The following EPB41L2 variants were observed in gnomAD, a reference collection of about 807,000 sequenced individuals.
EPB41L2 encodes the protein erythrocyte membrane protein band 4.1 like 2.
EPB41L2 carries 43 observed loss-of-function variants against 113.0 expected under a neutral mutation model. The ratio of observed to expected loss-of-function variants is 0.38; its 90% CI spans 0.30 to 0.49. The LOEUF (loss-of-function observed/expected upper bound fraction) is 0.49, where lower values mean the gene tolerates loss of function less well. EPB41L2 is among the 20% of genes least tolerant of loss of function. EPB41L2 has a pLI of 0.95. For synonymous variants in EPB41L2, 442 were observed against 436.7 expected, an observed-to-expected ratio of 1.01 and a Z score of -0.15; for missense variants, 1,147 against 1,223.4, an observed-to-expected ratio of 0.94 and a Z score of 0.93.
At chr6:130,960,891 G>C (rs902185560) in intron 1 of EPB41L2, among the ~76,000 whole-genome samples, 18 of 152,228 alleles carry the variant, frequency 1.2e-4, no homozygotes, top group Middle Eastern at 3.4e-3. Flanking sequence ...AACTCCATGA[G>C]GGCTGGGATC....
At chr6:130,845,570 A>C (rs546098191) in intron 19 of EPB41L2, among the ~76,000 whole-genome samples, 5 of 151,984 alleles carry the variant, frequency 3.3e-5, no homozygotes, top group Admixed American at 6.6e-5. Flanking sequence ...TTGTGGACAC[A>C]AGCTCTTGCT....
chr6:130,870,361 T>C, intron 14 of EPB41L2: 1 of 1,550,630 alleles, frequency 6.4e-7, no homozygotes, highest in Non-Finnish European at 8.7e-7. Flanking sequence ...TGCAAGGCCC[T>C]TCTGACTCGG....
intron 1 of EPB41L2, among the ~76,000 whole-genome samples, chr6:131,046,689 T>C (rs764702292): frequency 6.6e-6 from 1 of 152,154 alleles, no homozygotes; most frequent in African/African-American, 2.4e-5. Flanking sequence ...GACTCAACAT[T>C]CCATTTCTTT....
At chr6:130,864,261 G>A (rs1433454274) in intron 17 of EPB41L2, among the ~76,000 whole-genome samples, 1 of 152,180 alleles carries the variant, frequency 6.6e-6, no homozygotes, top group African/African-American at 2.4e-5. Flanking sequence ...TTGACTGATG[G>A]ATTCTGAGCA....
chr6:130,914,036 G>A (rs1189824210), intron 4 of EPB41L2, among the ~76,000 whole-genome samples: 3 of 152,136 alleles, frequency 2.0e-5, no homozygotes, highest in East Asian at 3.9e-4. Context: ...TATATAAACC[G>A]TGGAATCAGA....
intron 1 of EPB41L2, among the ~76,000 whole-genome samples, chr6:131,039,047 C>G (rs1469372452): frequency 6.6e-6 from 1 of 152,064 alleles, no homozygotes; most frequent in Admixed American, 6.5e-5. Flanking sequence ...TATGTTATTC[C>G]ATTAGAAAAC....
At chr6:131,052,987 C>T (rs1479710555) in intron 1 of EPB41L2, among the ~76,000 whole-genome samples, 1 of 152,058 alleles carries the variant, frequency 6.6e-6, no homozygotes, top group Admixed American at 6.5e-5. Flanking sequence ...CTTCCACCTC[C>T]TGGGTTCAAG....
intron 1 of EPB41L2, among the ~76,000 whole-genome samples, chr6:130,966,182 C>T (rs1271764753): frequency 2.0e-5 from 3 of 152,124 alleles, no homozygotes; most frequent in Non-Finnish European, 2.9e-5. Flanking sequence ...TATATCTGTG[C>T]ATATGTAAAA....
chr6:130,996,741 A>C (rs1221834120), intron 1 of EPB41L2, among the ~76,000 whole-genome samples: 1 of 152,240 alleles, frequency 6.6e-6, no homozygotes, highest in Non-Finnish European at 1.5e-5. Context: ...ACCTATGTGA[A>C]CATATTCACA....
chr6:130,865,254 A>G (rs1286294082), intron 17 of EPB41L2, among the ~76,000 whole-genome samples: 1 of 152,252 alleles, frequency 6.6e-6, no homozygotes, highest in Non-Finnish European at 1.5e-5. Context: ...TTGTTTTTAT[A>G]AATTATAAAT....
At chr6:130,849,569 C>T (rs1233237910) in intron 19 of EPB41L2, among the ~76,000 whole-genome samples, 2 of 152,070 alleles carry the variant, frequency 1.3e-5, no homozygotes, top group East Asian at 3.9e-4. Flanking sequence ...TTAAGTAAAC[C>T]ATCATGCGTC....
At chr6:130,906,639 T>C (rs1176372745) in intron 5 of EPB41L2, among the ~76,000 whole-genome samples, 2 of 152,206 alleles carry the variant, frequency 1.3e-5, no homozygotes, top group Non-Finnish European at 2.9e-5. Context: ...ATAAAGGTTT[T>C]AAGGCAAATT....
intron 19 of EPB41L2, among the ~76,000 whole-genome samples, chr6:130,842,137 T>C (rs932976042): frequency 1.3e-5 from 2 of 152,292 alleles, no homozygotes; most frequent in Non-Finnish European, 2.9e-5. Context: ...CTTGCTTTAA[T>C]GAAAAAAGTT....
rs60350565 is a variant in EPB41L2, at chr6:130,892,403, CTTTTTTT to C, written c.1487+1934_1488-1938del. Among the ~76,000 whole-genome samples, 20 of 92,628 alleles carry C rather than the reference CTTTTTTT, an allele frequency of 2.2e-4. 1 individual carries two copies. The highest frequency in any genetic ancestry group is 2.3e-4 in the East Asian group (1 of 4,302). 60.8% of individuals were successfully genotyped at this position (92,628 alleles called of 152,430 possible). On this transcript the variant is annotated intron_variant, in intron 10 of 19. Transcript: ENST00000337057. ...CTTGCCATTTCTGAACAGATTATTG[CTTTTTTT>C]TTTTTTTTTTTTATCATTATGTGAC...
At chr6:130,948,829 G>C (rs1376964777) in intron 3 of EPB41L2, among the ~76,000 whole-genome samples, 1 of 152,124 alleles carries the variant, frequency 6.6e-6, no homozygotes, top group African/African-American at 2.4e-5. Flanking sequence ...GGCTATCCAC[G>C]AATATATAAT....
At chr6:130,876,796 C>T in intron 14 of EPB41L2, 12 of 1,265,496 alleles carry the variant, frequency 9.5e-6, no homozygotes, top group Non-Finnish European at 1.3e-5. Flanking sequence ...AAACAATAGA[C>T]ATAATCAACA....
chr6:130,917,588 C>T (rs536631391), intron 4 of EPB41L2, among the ~76,000 whole-genome samples: 2 of 152,252 alleles, frequency 1.3e-5, no homozygotes, highest in South Asian at 4.1e-4. Context: ...TAACCCCCAC[C>T]CTGCTCCTTG....
intron 19 of EPB41L2, among the ~76,000 whole-genome samples, chr6:130,849,723 T>C (rs1219442321): frequency 6.6e-6 from 1 of 152,222 alleles, no homozygotes; most frequent in East Asian, 1.9e-4. Flanking sequence ...GTATTCCAAC[T>C]TCACTAGCAT....
intron 1 of EPB41L2, among the ~76,000 whole-genome samples, chr6:130,971,576 C>T (rs1474323218): frequency 1.3e-5 from 2 of 152,216 alleles, no homozygotes; most frequent in African/African-American, 4.8e-5. Context: ...CAACATGGAG[C>T]CACTGGGCAA....
Sources: gnomAD v4.1 joint callset for allele counts (sites outside exome capture counted in the v4.1 genomes callset) on GRCh38, gnomAD v4.1.1 for gene constraint, MANE v1.5 for transcripts, NCBI Gene and HGNC (gene_info 2026-07-23, HGNC 2026-07-21) for gene names.